PTCHD4: variants seen among roughly 807,000 people sequenced by gnomAD.
PTCHD4 encodes the protein patched domain-containing protein 4.
In PTCHD4, 33 loss-of-function variants were observed where a neutral mutation model predicts 58.1. That is an observed-to-expected ratio of 0.57 (90% confidence interval 0.43 to 0.76). The LOEUF (loss-of-function observed/expected upper bound fraction) is 0.76. PTCHD4 is among the 30% of genes least tolerant of loss of function. The pLI, the probability that PTCHD4 is intolerant of heterozygous loss-of-function variation, is 0.00. For missense variants in PTCHD4, 1,058 were observed against 1,027.1 expected (o/e 1.03, Z -0.41); for synonymous variants, 478 against 409.6 (o/e 1.17, Z -2.02).
At position 47,879,743 on chromosome 6, in the gene PTCHD4, G is replaced by T; in HGVS notation, c.1092C>A (p.Phe364Leu). ...GAATAGAGACACACATGTTTTGACA[G>T]AAGACCTTCACAGCCTCTATGTTTG... Reference protein sequence around the residue: ...PFTNIEAVKVFCQNMCVSILL... With the variant: ...PFTNIEAVKVLCQNMCVSILL... Residue 364 changes from phenylalanine to leucine, a missense_variant, in exon 5 of 5, where the codon TTC becomes TTA. Coordinates refer to ENST00000339488, the MANE Select transcript of PTCHD4 (RefSeq NM_001384253.1). The T allele has an allele frequency of 2.5e-6, 4 of 1,613,696 alleles. No individual in the cohort carries two copies. The highest frequency in any genetic ancestry group is 1.7e-6 in the Non-Finnish European group (2 of 1,179,766).
In PTCHD4 at chr6:47,874,513, G is replaced by T. The variant is rs976610601; in HGVS notation, c.*3790C>A. Reference sequence around the variant, plus strand: ...ATACATGTAATTCTGAATGGCAATAGTTAATCCTTAGCTCTAACCACAAGC... The same window carrying T: ...ATACATGTAATTCTGAATGGCAATATTTAATCCTTAGCTCTAACCACAAGC... On this transcript the variant is annotated 3_prime_UTR_variant, in exon 5 of 5. Transcript: ENST00000339488. Among the ~76,000 whole-genome samples, 1 of 151,764 alleles carries T rather than the reference G, an allele frequency of 6.6e-6. No individual in the cohort carries two copies. Among genetic ancestry groups the T allele is most frequent in the Non-Finnish European group, 1.5e-5 (1 of 67,812 alleles).
chr6:48,009,377 A>C lies in PTCHD4; in HGVS notation c.418-263T>G, dbSNP rs75484074. On this transcript the variant is annotated intron_variant, in intron 3 of 4. Transcript: ENST00000339488. ...GCCACATGCATAGAGAAACGTAGAT[A>C]AATATTTTGTTCTCACTCATATCCC... Among the ~76,000 whole-genome samples, 819 of 152,338 alleles carry C rather than the reference A, an allele frequency of 5.4e-3. 8 individuals are homozygous for C. Among genetic ancestry groups the C allele is most frequent in the African/African-American group, 0.019 (777 of 41,578 alleles).
intron 3 of PTCHD4, among the ~76,000 whole-genome samples, chr6:48,036,140 C>A (rs1358700338): frequency 1.3e-5 from 2 of 151,914 alleles, no homozygotes; most frequent in African/African-American, 2.4e-5. Context: ...AGGAAAATGG[C>A]AAAAAGTTTA....
Position 48,068,208 on chromosome 6 carries a change from A to G in PTCHD4, c.417+22T>C. ...AACACACACAGATGGGAAAAAGTAT[A>G]ATTATAGCCCTTGTGGTTCACCTTC... On this transcript the variant is annotated intron_variant, in intron 3 of 4. Transcript: ENST00000339488. The surrounding 1 kb of genome is among the most constrained non-coding windows in gnomAD (Gnocchi z 4.2). 1 of 1,524,196 alleles carries G rather than the reference A, an allele frequency of 6.6e-7. No individual in the cohort carries two copies. Among genetic ancestry groups the G allele is most frequent in the Non-Finnish European group, 8.8e-7 (1 of 1,135,916 alleles). The allele number at this position is 1,524,196 out of a possible 1,614,324, so 94.4% of individuals were successfully genotyped here. A position where few individuals can be genotyped will look rare whatever the true frequency, so the allele number is the denominator to read the frequency against.
At chr6:47,991,914 A>G (rs769633574) in intron 4 of PTCHD4, among the ~76,000 whole-genome samples, 1 of 152,090 alleles carries the variant, frequency 6.6e-6, no homozygotes, top group African/African-American at 2.4e-5. Context: ...ATAATAACAT[A>G]TAGACATATG....
chr6:48,005,388 G>A (rs1264788731), intron 4 of PTCHD4, among the ~76,000 whole-genome samples: 2 of 152,158 alleles, frequency 1.3e-5, no homozygotes, highest in African/African-American at 4.8e-5. Context: ...TAGAAATAGA[G>A]GTTTACTAGA....
chr6:47,963,014 A>C (rs1767155546), intron 4 of PTCHD4, among the ~76,000 whole-genome samples: 2 of 152,026 alleles, frequency 1.3e-5, no homozygotes, highest in Admixed American at 1.3e-4. Context: ...CTGTACTCCC[A>C]GCTACTTGGG....
At chr6:48,047,957 A>G (rs332554) in intron 3 of PTCHD4, among the ~76,000 whole-genome samples, 130,382 of 150,608 alleles carry the variant, frequency 0.87, 56,413 homozygotes, top group Middle Eastern at 0.87. Flanking sequence ...AGTACACATA[A>G]GAATTCTCTC....
Position 47,868,818 on chromosome 6 carries a change from AG to A in PTCHD4, c.*9484del, listed in dbSNP as rs1324883561. Among the ~76,000 whole-genome samples, 1 of 151,764 alleles carries A rather than the reference AG, an allele frequency of 6.6e-6. No homozygotes were observed. The highest frequency in any genetic ancestry group is 1.5e-5 in the Non-Finnish European group (1 of 67,796). On this transcript the variant is annotated 3_prime_UTR_variant, in exon 5 of 5. Coordinates refer to ENST00000339488, the MANE Select transcript of PTCHD4 (RefSeq NM_001384253.1). The stretch of plus-strand genomic sequence containing the variant: ...GAAAAGTTATTTTAGAAATGATAAA[AG>A]TTGAACATATTTAAAGGAAAAAAGC...
chr6:47,974,942 T>C (rs534150916), intron 4 of PTCHD4, among the ~76,000 whole-genome samples: 1 of 152,320 alleles, frequency 6.6e-6, no homozygotes, highest in Admixed American at 6.5e-5. Context: ...TTATTTTCAT[T>C]CAATGACTGT....
At chr6:47,980,217 T>C (rs1767829523) in intron 4 of PTCHD4, among the ~76,000 whole-genome samples, 1 of 152,056 alleles carries the variant, frequency 6.6e-6, no homozygotes, top group South Asian at 2.1e-4. Flanking sequence ...AGGAAGAAGA[T>C]TTCCCAGAGT....
At chr6:48,063,391 T>G (rs1356885264) in intron 3 of PTCHD4, among the ~76,000 whole-genome samples, 1 of 152,142 alleles carries the variant, frequency 6.6e-6, no homozygotes, top group Non-Finnish European at 1.5e-5. Context: ...GTACTGGTAT[T>G]TTGTCATGGA....
intron 4 of PTCHD4, among the ~76,000 whole-genome samples, chr6:47,998,957 T>G (rs1336954794): frequency 6.6e-6 from 1 of 152,130 alleles, no homozygotes; most frequent in Non-Finnish European, 1.5e-5. Flanking sequence ...CTTTTCTTGC[T>G]CAAAGAACTC....
chr6:47,981,563 G>T (rs1481026390), intron 4 of PTCHD4, among the ~76,000 whole-genome samples: 3 of 151,988 alleles, frequency 2.0e-5, no homozygotes, highest in African/African-American at 7.3e-5. Flanking sequence ...TGATCTTTTG[G>T]TAGAATTTTA....
chr6:48,043,572 T>C lies in PTCHD4; in HGVS notation c.417+24658A>G, dbSNP rs574006506. Among the ~76,000 whole-genome samples the C allele has an allele frequency of 5.3e-5, 8 of 152,054 alleles. No homozygotes were observed. In the South Asian group the frequency reaches 1.4e-3, roughly 28 times the overall value. Reference sequence around the variant, plus strand: ...TATTTTTAGTTTAAGTCATTTGCTATAATGCATTTTCTTTGTAACAGCAAA... The same window carrying C: ...TATTTTTAGTTTAAGTCATTTGCTACAATGCATTTTCTTTGTAACAGCAAA... On this transcript the variant is annotated intron_variant, in intron 3 of 4. Transcript: ENST00000339488.
intron 1 of PTCHD4, among the ~76,000 whole-genome samples, chr6:48,073,316 T>C (rs537801584): frequency 1.3e-5 from 2 of 152,318 alleles, no homozygotes; most frequent in South Asian, 4.1e-4. Context: ...CAGAGAAAAC[T>C]GGACTTGGAC....
intron 1 of PTCHD4, among the ~76,000 whole-genome samples, chr6:48,070,634 C>T (rs969710799): frequency 2.6e-5 from 4 of 152,210 alleles, no homozygotes; most frequent in African/African-American, 9.6e-5. Context: ...CTGGCCCATG[C>T]TACAACATTC....
intron 4 of PTCHD4, among the ~76,000 whole-genome samples, chr6:47,899,451 T>G (rs894744931): frequency 6.6e-6 from 1 of 152,172 alleles, no homozygotes; most frequent in African/African-American, 2.4e-5. Flanking sequence ...ATAGGTGGAA[T>G]GTTGTATAGC....
chr6:48,034,756 ACT>A (rs1763570131), intron 3 of PTCHD4, among the ~76,000 whole-genome samples: 1 of 151,958 alleles, frequency 6.6e-6, no homozygotes, highest in African/African-American at 2.4e-5. Context: ...ATCAGAATAA[ACT>A]CTCTTTGCAG....
Sources: allele counts gnomAD v4.1 joint callset (sites outside exome capture counted in the v4.1 genomes callset), GRCh38; gene constraint gnomAD v4.1.1; non-coding constraint Gnocchi (gnomAD v3.1); transcripts MANE v1.5; gene names NCBI Gene and HGNC (gene_info 2026-07-23, HGNC 2026-07-21).